Variants in ATP1B4 observed in about 807,000 individuals in gnomAD.
The protein encoded by ATP1B4 is ATPase Na+/K+ transporting family member beta 4.
In ATP1B4, 32 loss-of-function variants were observed where a neutral mutation model predicts 29.6. That is an observed-to-expected ratio of 1.08 (90% CI 0.82 to 1.45). ATP1B4 has a LOEUF of 1.45. Ranked by LOEUF, ATP1B4 falls within the 40% of genes most tolerant of loss-of-function variation. ATP1B4 has a pLI of 0.00. For synonymous variants in ATP1B4, 127 were observed against 102.1 expected (o/e 1.24, Z -1.47); for missense variants, 323 against 276.2 (o/e 1.17, Z -1.20).
chrX:120,371,772 G>A (rs1569354350), intron 4 of ATP1B4, among the ~76,000 whole-genome samples: 2 of 112,015 alleles, frequency 1.8e-5, no homozygotes, highest in East Asian at 2.8e-4. Context: ...AAGTTCAAGC[G>A]ATTATCCTGC....
chrX:120,380,604 T>C lies in ATP1B4; in HGVS notation c.*970T>C, dbSNP rs1024208879. 2.7e-5 allele frequency: 3 copies of C among 112,056 alleles called. No individual in the cohort carries two copies. Among genetic ancestry groups the C allele is most frequent in the Non-Finnish European group, 5.6e-5 (3 of 53,180 alleles). The allele number at this position is 112,056 out of a possible 1,213,427, so 9.2% of individuals were successfully genotyped here. A position where few individuals can be genotyped will look rare whatever the true frequency, so the allele number is the denominator to read the frequency against. On this transcript the variant is annotated 3_prime_UTR_variant, in exon 8 of 8. Transcript: ENST00000218008. ...TCAGCTTCAGGCAGAGGAGACAACA[T>C]GGAAGAAGATTCCCACCAGCTAATT... is the stretch of plus-strand genomic sequence containing the variant.
At chrX:120,365,235 C>T (rs1367099035) in intron 1 of ATP1B4, among the ~76,000 whole-genome samples, 2 of 111,920 alleles carry the variant, frequency 1.8e-5, no homozygotes, top group Non-Finnish European at 3.8e-5. Context: ...AGGTCTCTGT[C>T]GGTTCTGATG....
chrX:120,373,187 T>A (rs779680751), intron 4 of ATP1B4, among the ~76,000 whole-genome samples: 2 of 111,893 alleles, frequency 1.8e-5, no homozygotes, highest in South Asian at 7.5e-4. Context: ...GCAATAAGGG[T>A]CATGTCCATG....
At chrX:120,368,848 C>A (rs189661268) in intron 2 of ATP1B4, among the ~76,000 whole-genome samples, 27 of 111,765 alleles carry the variant, frequency 2.4e-4, no homozygotes, top group African/African-American at 8.8e-4. Flanking sequence ...AGAGGAAAGA[C>A]CCAAGTAATA....
At chrX:120,378,589 G>C in intron 6 of ATP1B4, 89 bp from the exon 7 acceptor site, 1 of 771,803 alleles carries the variant, frequency 1.3e-6, no homozygotes, top group Non-Finnish European at 2.0e-6. Flanking sequence ...GGTTCACACA[G>C]TGATTTCACC....
chrX:120,374,776 T>A (rs868743058), intron 4 of ATP1B4, among the ~76,000 whole-genome samples: 80 of 712 alleles, frequency 0.11, 3 homozygotes, highest in African/African-American at 0.25. Flanking sequence ...ATATATATAA[T>A]ATATATATAT....
intron 2 of ATP1B4, among the ~76,000 whole-genome samples, chrX:120,369,492 G>T (rs2058302414): frequency 8.9e-6 from 1 of 112,293 alleles, no homozygotes; most frequent in Non-Finnish European, 1.9e-5. Flanking sequence ...GTACAGCAAA[G>T]TTAAGTGGTT....
chrX:120,378,540 C>T, intron 6 of ATP1B4, 138 bp from the exon 7 acceptor site: 1 of 548,335 alleles, frequency 1.8e-6, no homozygotes, highest in Non-Finnish European at 3.2e-6. Context: ...GAGCTCTGCT[C>T]CATTCTGCTT....
chrX:120,362,221 G>C lies in ATP1B4; in HGVS notation c.53G>C (p.Arg18Pro). The C allele has an allele frequency of 8.3e-7, 1 of 1,210,459 alleles. No individual in the cohort carries two copies. The highest frequency in any genetic ancestry group is 3.0e-5 in the East Asian group (1 of 33,817). Reference sequence around the variant, plus strand: ...GCTCCATCCTTTCCTTACAGTTATCGCTACAGACTCGTGAGTGCCAGAGAG... The same window carrying C: ...GCTCCATCCTTTCCTTACAGTTATCCCTACAGACTCGTGAGTGCCAGAGAG... ...RRAPSFPYSY[R>P]YRLDDPDEAN... The change falls in exon 1 of 8, where the codon CGC becomes CCC. Residue 18 changes from arginine (R) to proline (P), a missense_variant. Arg to Pro is a moderately radical substitution (Grantham distance 103, BLOSUM62 -2). Coordinates refer to ENST00000218008, the MANE Select transcript of ATP1B4 (RefSeq NM_001142447.3).
At position 120,370,704 on chromosome X, in the gene ATP1B4, T is replaced by C; in HGVS notation, c.329-11T>C. The C allele has an allele frequency of 8.3e-7, 1 of 1,209,736 alleles. No homozygotes were observed. The highest frequency in any genetic ancestry group is 1.1e-6 in the Non-Finnish European group (1 of 894,742). ...AAGCACTGACCACTCTCATCTGTGA[T>C]TGCTCTGCAGGCCTGATCTTACTCA... On this transcript the variant is annotated splice_polypyrimidine_tract_variant and intron_variant, in intron 2 of 7. Transcript: ENST00000218008.
intron 1 of ATP1B4, among the ~76,000 whole-genome samples, chrX:120,365,169 G>T (rs1231556877): frequency 8.9e-6 from 1 of 112,059 alleles, no homozygotes; most frequent in Admixed American, 9.4e-5. Flanking sequence ...TTTACTGCAT[G>T]GTTTTGGCTA....
Position 120,382,620 on chromosome X carries a change from C to A in ATP1B4, c.*2986C>A, listed in dbSNP as rs766006283. The A allele has an allele frequency of 8.9e-6, 1 of 111,911 alleles. No individual in the cohort carries two copies. Among genetic ancestry groups the A allele is most frequent in the South Asian group, 3.7e-4 (1 of 2,690 alleles). The allele number at this position is 111,911 out of a possible 1,213,427, so 9.2% of individuals were successfully genotyped here. ...TTCTTAAAAATCAATGAATGATATC[C>A]CAAACATTTTGAAACGTATGTAAAT... On this transcript the variant is annotated 3_prime_UTR_variant, in exon 8 of 8. Coordinates refer to ENST00000218008, the MANE Select transcript of ATP1B4 (RefSeq NM_001142447.3).
At chrX:120,366,937 A>G in intron 2 of ATP1B4, 148 bp downstream of exon 2, 1 of 1,005,814 alleles carries the variant, frequency 9.9e-7, no homozygotes, top group Non-Finnish European at 1.3e-6. Flanking sequence ...GGAAATGCCT[A>G]GACTGTGGAC....
chrX:120,365,343 G>GA (rs2058280768), intron 1 of ATP1B4, among the ~76,000 whole-genome samples: 1 of 112,493 alleles, frequency 8.9e-6, no homozygotes. Flanking sequence ...ACTGAATGCT[G>GA]AGAGCTGAGC....
At chrX:120,371,400 T>C (rs2058312827) in intron 4 of ATP1B4, among the ~76,000 whole-genome samples, 190 bp downstream of exon 4, 1 of 112,048 alleles carries the variant, frequency 8.9e-6, no homozygotes, top group African/African-American at 3.3e-5. Flanking sequence ...GATTGTATGT[T>C]GTCTTGAAAA....
chrX:120,370,588 A>T, intron 2 of ATP1B4, 127 bp from the exon 3 acceptor site: 1 of 826,921 alleles, frequency 1.2e-6, no homozygotes, highest in Non-Finnish European at 1.7e-6. Flanking sequence ...AAGCAAGGAC[A>T]TACTGAATCT....
At chrX:120,374,286 G>C (rs1412636206) in intron 4 of ATP1B4, among the ~76,000 whole-genome samples, 2 of 107,943 alleles carry the variant, frequency 1.9e-5, no homozygotes, top group Non-Finnish European at 3.8e-5. Context: ...GCTTGGGCTG[G>C]CCTCTGGATC....
chrX:120,381,804 G>A lies in ATP1B4; in HGVS notation c.*2170G>A, dbSNP rs1602511607. On this transcript the variant is annotated 3_prime_UTR_variant, in exon 8 of 8. Coordinates refer to ENST00000218008, the MANE Select transcript of ATP1B4 (RefSeq NM_001142447.3). Reference sequence around the variant, plus strand: ...ACTATGTGAAGGGTGATTGGAGAAGGACAAGACTGTGGAATGGGGAATAAG... The same window carrying A: ...ACTATGTGAAGGGTGATTGGAGAAGAACAAGACTGTGGAATGGGGAATAAG... 1 of 112,125 alleles carries A rather than the reference G, an allele frequency of 8.9e-6. No individual in the cohort carries two copies. The highest frequency in any genetic ancestry group is 3.7e-4 in the South Asian group (1 of 2,700). The allele number at this position is 112,125 out of a possible 1,213,427, so 9.2% of individuals were successfully genotyped here. A position where few individuals can be genotyped will look rare whatever the true frequency, so the allele number is the denominator to read the frequency against.
chrX:120,369,940 C>T (rs1281672396), intron 2 of ATP1B4, among the ~76,000 whole-genome samples: 3 of 111,358 alleles, frequency 2.7e-5, no homozygotes, highest in Non-Finnish European at 5.7e-5. Context: ...CAGGATAGGA[C>T]GTTAAGGAAA....
Sources: allele counts gnomAD v4.1 joint callset (sites outside exome capture counted in the v4.1 genomes callset), GRCh38; gene constraint gnomAD v4.1.1; transcripts MANE v1.5; gene names NCBI Gene and HGNC (gene_info 2026-07-23, HGNC 2026-07-21).